Variants in PGBD2 observed in about 807,000 individuals in gnomAD.
The protein encoded by PGBD2 is piggyBac transposable element derived 2, also known as piggyBac transposable element-derived protein 2.
A neutral mutation model predicts 8.1 loss-of-function variants in PGBD2; 6 were observed. The ratio of observed to expected loss-of-function variants is 0.74; its 90% CI spans 0.40 to 1.46. The LOEUF (loss-of-function observed/expected upper bound fraction) is 1.46. PGBD2 is among the 40% of genes most tolerant of loss of function. The pLI, the probability that PGBD2 is intolerant of heterozygous loss-of-function variation, is 0.02. For synonymous variants in PGBD2, 318 were observed against 272.2 expected, an observed-to-expected ratio of 1.17 and a Z score of -1.66; for missense variants, 802 against 739.0, an observed-to-expected ratio of 1.09 and a Z score of -0.99.
At chr1:248,899,290 A>G in the PGBD2 span, among the ~76,000 whole-genome samples, 3 of 152,204 alleles carry the variant, frequency 2.0e-5, no homozygotes, top group Non-Finnish European at 4.4e-5. Context: ...CCCAAATTCA[A>G]CAGAATATAC....
rs747114751 is a variant in PGBD2 at position 248,917,906 on chromosome 1, C to T, written c.1322C>T (p.Ala441Val). 1.9e-6 allele frequency: 3 copies of T among 1,614,212 alleles called. No homozygotes were observed. In the South Asian group the frequency reaches 3.3e-5, roughly 18 times the overall value. The change falls in exon 3 of 3, where the codon GCT becomes GTT. Residue 441 changes from alanine to valine, a missense_variant. Physicochemically the swap from Ala to Val is moderately conservative, Grantham distance 64. Coordinates refer to ENST00000329291, the MANE Select transcript of PGBD2 (RefSeq NM_170725.3). ...VRLTSRHSGA[A>V]KTRTQVHQPS... Reference sequence around the variant, plus strand: ...CTGACCAGTCGTCACTCTGGAGCAGCTAAAACGCGGACTCAGGTCCACCAG... The same window carrying T: ...CTGACCAGTCGTCACTCTGGAGCAGTTAAAACGCGGACTCAGGTCCACCAG...
At chr1:248,925,993 C>T in the PGBD2 span, among the ~76,000 whole-genome samples, 1 of 152,114 alleles carries the variant, frequency 6.6e-6, no homozygotes, top group Non-Finnish European at 1.5e-5. Context: ...TCAAGTAATT[C>T]AGCTTCACCC....
the PGBD2 span, among the ~76,000 whole-genome samples, chr1:248,876,080 C>T: frequency 2.6e-5 from 4 of 151,142 alleles, no homozygotes; most frequent in Admixed American, 2.0e-4. Flanking sequence ...GTGATCTTGG[C>T]TCACCGCAAC....
chr1:248,911,953 G>A (rs1661907949), intron 1 of PGBD2, among the ~76,000 whole-genome samples: 1 of 152,044 alleles, frequency 6.6e-6, no homozygotes, highest in South Asian at 2.1e-4. Context: ...TCTTGCGGTT[G>A]TAAAAGTGGC....
the PGBD2 span, among the ~76,000 whole-genome samples, chr1:248,895,287 A>AC: frequency 6.6e-6 from 1 of 152,168 alleles, no homozygotes; most frequent in Non-Finnish European, 1.5e-5. Flanking sequence ...TCCTGCCCAC[A>AC]GAGTGCTAGG....
the PGBD2 span, among the ~76,000 whole-genome samples, chr1:248,894,709 TCTTGCTTGCTTG>T: frequency 2.7e-5 from 4 of 148,206 alleles, no homozygotes; most frequent in African/African-American, 5.1e-5. Context: ...CTCCTTTCTT[TCTTGCTTGCTTG>T]CTTGCTTGCT....
Position 248,918,276 on chromosome 1 carries a change from C to T in PGBD2, c.1692C>T (p.Ala564=). 7 of 1,609,118 alleles carry T rather than the reference C, an allele frequency of 4.4e-6. No individual in the cohort carries two copies. Among genetic ancestry groups the T allele is most frequent in the African/African-American group, 1.3e-5 (1 of 75,008 alleles). Reference sequence around the variant, plus strand: ...ATCAGGACAAGAGGACCCGGTGTGCCCTCTGCCACTCACAGACCAACACCC... The same window carrying T: ...ATCAGGACAAGAGGACCCGGTGTGCTCTCTGCCACTCACAGACCAACACCC... ...IIHQDKRTRC[A]LCHSQTNTRC... Residue 564 remains alanine, a synonymous_variant, in exon 3 of 3, where the codon GCC becomes GCT. Coordinates refer to ENST00000329291, the MANE Select transcript of PGBD2 (RefSeq NM_170725.3).
the PGBD2 span, among the ~76,000 whole-genome samples, chr1:248,901,185 C>A: frequency 1.3e-5 from 2 of 152,044 alleles, no homozygotes; most frequent in Non-Finnish European, 2.9e-5. Flanking sequence ...TTTATAGATT[C>A]AATGCTATTC....
At chr1:248,913,205 C>T (rs576240693) in intron 1 of PGBD2, among the ~76,000 whole-genome samples, 3 of 152,264 alleles carry the variant, frequency 2.0e-5, no homozygotes, top group Non-Finnish European at 4.4e-5. Context: ...TTCCCTCCCT[C>T]CCCTGTGGGT....
the PGBD2 span, among the ~76,000 whole-genome samples, chr1:248,928,027 G>T: frequency 5.9e-5 from 9 of 152,250 alleles, no homozygotes; most frequent in Non-Finnish European, 1.3e-4. Flanking sequence ...TCACAACCCA[G>T]GGTGTTTCGA....
Position 248,916,735 on chromosome 1 carries a change from GC to G in PGBD2, c.152del (p.Ala51GlyfsTer56). 6.2e-7 allele frequency: 1 copy of G among 1,614,192 alleles called. No homozygotes were observed. Among genetic ancestry groups the G allele is most frequent in the Non-Finnish European group, 8.5e-7 (1 of 1,180,038 alleles). ...EIFIAPPDNA[A>X]GEFTDEDSGD... ...TTTCATTGCACCTCCCGACAATGCT[GC>G]GGGGGAATTCACTGATGAGGACTCA... On this transcript the variant is annotated frameshift_variant, in exon 3 of 3. Transcript: ENST00000329291. LOFTEE classifies it low-confidence loss of function (END_TRUNC).
chr1:248,907,756 AAGGTTGGAGCAAAG>A, intron 1 of PGBD2, among the ~76,000 whole-genome samples: 1 of 152,188 alleles, frequency 6.6e-6, no homozygotes, highest in Non-Finnish European at 1.5e-5. Flanking sequence ...TTGTGAGGTC[AAGGTTGGAGCAAAG>A]AGGTTGGGGC....
At position 248,917,034 on chromosome 1, in the gene PGBD2, T is replaced by C. The variant is rs748260058; in HGVS notation, c.450T>C (p.Asp150=). ...TGGGCCTTTTTGAGTTGTTTTTTGATGAAGGAACAATTAATTTCATTGTTA... is the reference window on the plus strand; with the variant it reads ...TGGGCCTTTTTGAGTTGTTTTTTGACGAAGGAACAATTAATTTCATTGTTA... ...SPVGLFELFF[D]EGTINFIVNE... The change falls in exon 3 of 3, where the codon GAT becomes GAC. Residue 150 remains aspartate, a synonymous_variant. Coordinates refer to ENST00000329291, the MANE Select transcript of PGBD2 (RefSeq NM_170725.3). The C allele has an allele frequency of 6.2e-7, 1 of 1,613,840 alleles. No homozygotes were observed. Among genetic ancestry groups the C allele is most frequent in the Admixed American group, 1.7e-5 (1 of 59,936 alleles).
chr1:248,922,602 A>C (rs191700818), downstream of PGBD2, among the ~76,000 whole-genome samples: 3 of 152,316 alleles, frequency 2.0e-5, no homozygotes, highest in Admixed American at 2.0e-4. Flanking sequence ...TTTGTCATAA[A>C]CAGCTCTTAT....
chr1:248,885,808 A>C, the PGBD2 span, among the ~76,000 whole-genome samples: 1 of 152,338 alleles, frequency 6.6e-6, no homozygotes, highest in Non-Finnish European at 1.5e-5. Flanking sequence ...GATGTATCTA[A>C]ATTGGCAATT....
At chr1:248,885,333 G>T in the PGBD2 span, among the ~76,000 whole-genome samples, 2 of 151,360 alleles carry the variant, frequency 1.3e-5, no homozygotes, top group Non-Finnish European at 2.9e-5. Context: ...TAGAGATGGG[G>T]TTTTGCTACG....
rs561364803 is a variant in PGBD2 at position 248,911,329 on chromosome 1, A to C, written c.-47-2487A>C. 2.7e-3 allele frequency among the ~76,000 whole-genome samples: 400 copies of C among 150,786 alleles called. 9 individuals are homozygous for C. The highest frequency in any genetic ancestry group is 0.023 in the Admixed American group (336 of 14,720). On this transcript the variant is annotated intron_variant, in intron 1 of 2. Coordinates refer to ENST00000329291, the MANE Select transcript of PGBD2 (RefSeq NM_170725.3). ...GGAGTGGTGATGACTCTTAACGAGC[A>C]TCCTGCCTTCAAGCATCTGTTTAAC...
downstream of PGBD2, among the ~76,000 whole-genome samples, chr1:248,923,056 G>T (rs185539875): frequency 5.0e-3 from 759 of 152,252 alleles, 4 homozygotes; most frequent in Middle Eastern, 0.017. Flanking sequence ...TTGTACCTCT[G>T]GTAGAATTCG....
the PGBD2 span, among the ~76,000 whole-genome samples, chr1:248,883,696 G>A: frequency 0.22 from 32,679 of 148,402 alleles, 8,502 homozygotes; most frequent in African/African-American, 0.63. Flanking sequence ...TCCCAGGTTC[G>A]AGTGATTCTC....
Sources: allele counts gnomAD v4.1 joint callset (sites outside exome capture counted in the v4.1 genomes callset), GRCh38; gene constraint gnomAD v4.1.1; transcripts MANE v1.5; gene names NCBI Gene and HGNC (gene_info 2026-07-23, HGNC 2026-07-21).